Variants in SOX5 observed in about 807,000 individuals in gnomAD.
The protein encoded by SOX5 is transcription factor SOX-5.
SOX5 carries 9 observed loss-of-function variants against 92.0 expected under a neutral mutation model. That is an observed-to-expected ratio of 0.10 (90% CI 0.06 to 0.17). SOX5 has a LOEUF of 0.17. Ranked by LOEUF, SOX5 falls within the 10% of genes least tolerant of loss-of-function variation. SOX5 has a pLI of 1.00. For missense variants in SOX5, 642 were observed against 944.5 expected, an observed-to-expected ratio of 0.68 and a Z score of 4.20; for synonymous variants, 344 against 336.3, an observed-to-expected ratio of 1.02 and a Z score of -0.25.
chr12:24,178,697 T>C (rs1020017989), intron 4 of SOX5, among the ~76,000 whole-genome samples: 4 of 152,250 alleles, frequency 2.6e-5, no homozygotes, highest in African/African-American at 9.6e-5. Context: ...AAAAACCTTT[T>C]ATAGAAAAGA....
intron 2 of SOX5, among the ~76,000 whole-genome samples, chr12:24,297,314 C>T (rs185748334): frequency 2.0e-5 from 3 of 152,208 alleles, no homozygotes; most frequent in South Asian, 2.1e-4. Context: ...AAACAACCAG[C>T]GCTGAGCTTC....
chr12:24,130,101 A>G (rs1275559711), intron 4 of SOX5, among the ~76,000 whole-genome samples: 3 of 152,192 alleles, frequency 2.0e-5, no homozygotes, highest in Non-Finnish European at 4.4e-5. Context: ...AGAAAAAAAA[A>G]GAATACAAGT....
intron 4 of SOX5, among the ~76,000 whole-genome samples, chr12:24,103,488 A>G (rs1327905483): frequency 1.3e-5 from 2 of 151,968 alleles, no homozygotes; most frequent in African/African-American, 4.8e-5. Context: ...CCAAGTAGCT[A>G]GGACTACAGC....
chr12:24,402,355 T>G (rs1961929560), intron 1 of SOX5, among the ~76,000 whole-genome samples: 1 of 152,220 alleles, frequency 6.6e-6, no homozygotes, highest in Admixed American at 6.5e-5. Flanking sequence ...AAATGTTATT[T>G]ACAATAGTGA....
chr12:23,639,301 C>G (rs1174371635), intron 8 of SOX5, among the ~76,000 whole-genome samples: 17 of 152,090 alleles, frequency 1.1e-4, no homozygotes, highest in African/African-American at 3.6e-4. Flanking sequence ...TAGATTGTTG[C>G]TTAACATAGC....
chr12:23,620,160 A>AGGAAAAAAAACTGGC (rs1413395851), intron 8 of SOX5, among the ~76,000 whole-genome samples: 7 of 152,136 alleles, frequency 4.6e-5, no homozygotes, highest in African/African-American at 1.4e-4. Flanking sequence ...TACATACAGG[A>AGGAAAAAAAACTGGC]GGAAAAAAAA....
chr12:24,181,260 A>T (rs1199104643), intron 4 of SOX5, among the ~76,000 whole-genome samples: 1 of 152,188 alleles, frequency 6.6e-6, no homozygotes, highest in Non-Finnish European at 1.5e-5. Flanking sequence ...ATGAAATGCA[A>T]ATTAGATAAT....
At chr12:24,342,046 T>C (rs967095358) in intron 2 of SOX5, among the ~76,000 whole-genome samples, 1 of 152,224 alleles carries the variant, frequency 6.6e-6, no homozygotes, top group Non-Finnish European at 1.5e-5. Flanking sequence ...ACACAGAGTA[T>C]CTACAATTAG....
At chr12:23,777,874 T>C (rs1235752131) in intron 3 of SOX5, among the ~76,000 whole-genome samples, 1 of 152,344 alleles carries the variant, frequency 6.6e-6, no homozygotes, top group South Asian at 2.1e-4. Context: ...AGAGATGAGA[T>C]TGCTATTCCC....
chr12:23,627,107 TG>T (rs2138287715), intron 8 of SOX5, among the ~76,000 whole-genome samples: 1 of 152,288 alleles, frequency 6.6e-6, no homozygotes, highest in South Asian at 2.1e-4. Flanking sequence ...TGACAAATAC[TG>T]CAAATTTCCA....
At chr12:24,257,653 G>C (rs1010109428) in intron 3 of SOX5, among the ~76,000 whole-genome samples, 1 of 151,946 alleles carries the variant, frequency 6.6e-6, no homozygotes, top group Non-Finnish European at 1.5e-5. Context: ...ATTTTTAGTA[G>C]AGATGGGGTT....
chr12:23,561,979 A>G (rs1742507753), intron 11 of SOX5, among the ~76,000 whole-genome samples: 1 of 152,158 alleles, frequency 6.6e-6, no homozygotes, highest in Non-Finnish European at 1.5e-5. Context: ...ACTCATTTCT[A>G]CGTGGGGAGC....
At chr12:24,262,466 T>C (rs79692145) in intron 3 of SOX5, among the ~76,000 whole-genome samples, 8 of 152,136 alleles carry the variant, frequency 5.3e-5, no homozygotes, top group Admixed American at 3.3e-4. Context: ...TCCCAGATGT[T>C]GTGGAGCAAT....
intron 4 of SOX5, among the ~76,000 whole-genome samples, chr12:24,058,142 T>C (rs1958309677): frequency 1.3e-5 from 2 of 152,262 alleles, no homozygotes; most frequent in South Asian, 4.1e-4. Flanking sequence ...GATGTTTCCA[T>C]TAAATCTGAC....
At chr12:24,284,996 G>C (rs751364626) in intron 2 of SOX5, among the ~76,000 whole-genome samples, 7 of 151,984 alleles carry the variant, frequency 4.6e-5, no homozygotes, top group Non-Finnish European at 5.9e-5. Context: ...GTGGTGGCGG[G>C]CACCTATAAT....
At chr12:24,085,097 A>G (rs1188832116) in intron 4 of SOX5, among the ~76,000 whole-genome samples, 1 of 103,702 alleles carries the variant, frequency 9.6e-6, no homozygotes, top group Non-Finnish European at 2.0e-5. Context: ...AGCATGGCTG[A>G]CGTATACAGC....
intron 3 of SOX5, among the ~76,000 whole-genome samples, chr12:24,222,382 T>A (rs1378358664): frequency 6.6e-6 from 1 of 152,062 alleles, no homozygotes; most frequent in Non-Finnish European, 1.5e-5. Context: ...AATGTGGAAT[T>A]TTTTTTTCTG....
chr12:24,377,915 G>A (rs1408211171), intron 1 of SOX5, among the ~76,000 whole-genome samples: 1 of 152,202 alleles, frequency 6.6e-6, no homozygotes, highest in South Asian at 2.1e-4. Context: ...AAGGTCAAGA[G>A]CCACTCAACA....
intron 1 of SOX5, among the ~76,000 whole-genome samples, chr12:24,556,059 T>C (rs896485248): frequency 6.6e-6 from 1 of 152,174 alleles, no homozygotes; most frequent in African/African-American, 2.4e-5. Flanking sequence ...AAACCTTTCA[T>C]AGGCTGCACT....
Sources: gnomAD v4.1 joint callset for allele counts (sites outside exome capture counted in the v4.1 genomes callset) on GRCh38, gnomAD v4.1.1 for gene constraint, MANE v1.5 for transcripts, NCBI Gene and HGNC (gene_info 2026-07-23, HGNC 2026-07-21) for gene names.